Variants in ROCK2 observed in about 807,000 individuals in gnomAD.
ROCK2 encodes the protein Rho associated coiled-coil containing protein kinase 2.
A neutral mutation model predicts 195.1 loss-of-function variants in ROCK2; 61 were observed. That is an observed-to-expected ratio of 0.31 (90% CI 0.25 to 0.39). The LOEUF (loss-of-function observed/expected upper bound fraction) is 0.39, where lower values mean the gene tolerates loss of function less well. Ranked by LOEUF, ROCK2 falls within the 10% of genes least tolerant of loss-of-function variation. ROCK2 has a pLI of 1.00. For missense variants in ROCK2, 1,109 were observed against 1,637.4 expected (o/e 0.68, Z 5.57); for synonymous variants, 504 against 545.5 (o/e 0.92, Z 1.06).
chr2:11,194,832 G>A, intron 28 of ROCK2, 123 bp downstream of exon 28: 2 of 440,150 alleles, frequency 4.5e-6, no homozygotes, highest in East Asian at 3.5e-5. Context: ...AAATCCTGAA[G>A]TATAAACAAG....
At chr2:11,310,497 T>A (rs1211530149) in intron 1 of ROCK2, among the ~76,000 whole-genome samples, 2 of 152,160 alleles carry the variant, frequency 1.3e-5, no homozygotes, top group Non-Finnish European at 1.5e-5. Flanking sequence ...ACTCATTGAC[T>A]CGTAGATAAA....
At chr2:11,307,421 C>T (rs111433649) in intron 1 of ROCK2, among the ~76,000 whole-genome samples, 1,725 of 152,308 alleles carry the variant, frequency 0.011, 27 homozygotes, top group East Asian at 0.053. Flanking sequence ...TCAAGCAATT[C>T]TCCTGCCTCA....
intron 1 of ROCK2, among the ~76,000 whole-genome samples, chr2:11,304,052 T>C (rs1667783238): frequency 6.6e-6 from 1 of 152,206 alleles, no homozygotes; most frequent in Non-Finnish European, 1.5e-5. Flanking sequence ...TATACTTTAT[T>C]GGTTTTCTCC....
chr2:11,292,875 C>T (rs190213680), intron 1 of ROCK2, among the ~76,000 whole-genome samples: 18 of 152,168 alleles, frequency 1.2e-4, no homozygotes, highest in African/African-American at 4.1e-4. Flanking sequence ...AAGACTTTTC[C>T]CTGTTGTCAT....
intron 4 of ROCK2, among the ~76,000 whole-genome samples, chr2:11,246,407 A>T (rs902530903): frequency 2.0e-5 from 3 of 152,082 alleles, no homozygotes; most frequent in African/African-American, 7.2e-5. Context: ...TAATGCCAAA[A>T]CTAAACTAAG....
At position 11,300,010 on chromosome 2, in the gene ROCK2, G is replaced by A. The variant is rs564960112; in HGVS notation, c.142-12274C>T. ...GAATGATGAGCAAGTCTCGGAAAGCGAATCTAATTCACAGTTTTTGGGGTC... is the reference window on the plus strand; with the variant it reads ...GAATGATGAGCAAGTCTCGGAAAGCAAATCTAATTCACAGTTTTTGGGGTC... On this transcript the variant is annotated intron_variant, in intron 1 of 32. Transcript: ENST00000315872. 3.6e-4 allele frequency among the ~76,000 whole-genome samples: 55 copies of A among 152,230 alleles called. No homozygotes were observed. In the South Asian group the frequency reaches 0.01, roughly 28 times the overall value.
chr2:11,301,168 A>G, intron 1 of ROCK2, among the ~76,000 whole-genome samples: 1 of 152,196 alleles, frequency 6.6e-6, no homozygotes, highest in East Asian at 1.9e-4. Context: ...TATGTTTATA[A>G]AATTATACTT....
At chr2:11,222,477 C>CA (rs1664669771) in intron 7 of ROCK2, among the ~76,000 whole-genome samples, 1 of 152,084 alleles carries the variant, frequency 6.6e-6, no homozygotes, top group African/African-American at 2.4e-5. Context: ...CTGCATGTGC[C>CA]ACGACTGAAT....
At chr2:11,242,930 A>T (rs1210981251) in intron 4 of ROCK2, among the ~76,000 whole-genome samples, 1 of 152,152 alleles carries the variant, frequency 6.6e-6, no homozygotes, top group Non-Finnish European at 1.5e-5. Context: ...CTCTCTCTCT[A>T]GTGCTCTCCT....
At chr2:11,281,914 T>C (rs189243713) in intron 3 of ROCK2, among the ~76,000 whole-genome samples, 149 of 152,256 alleles carry the variant, frequency 9.8e-4, no homozygotes, top group African/African-American at 3.0e-3. Flanking sequence ...GTTGTCAAGA[T>C]ACCGGTTCTT....
chr2:11,265,369 C>T (rs1219434664), intron 3 of ROCK2, among the ~76,000 whole-genome samples: 2 of 152,090 alleles, frequency 1.3e-5, no homozygotes, highest in East Asian at 3.8e-4. Flanking sequence ...ATAACGTTGG[C>T]TTATTTTCTC....
chr2:11,303,385 TC>T (rs1288019644), intron 1 of ROCK2, among the ~76,000 whole-genome samples: 6 of 152,172 alleles, frequency 3.9e-5, no homozygotes, highest in Non-Finnish European at 8.8e-5. Context: ...ACCAAATCTA[TC>T]CACGTTCCTG....
intron 3 of ROCK2, among the ~76,000 whole-genome samples, chr2:11,271,623 T>A (rs1305608610): frequency 6.6e-6 from 1 of 152,030 alleles, no homozygotes; most frequent in Non-Finnish European, 1.5e-5. Flanking sequence ...AGCTCCTTAC[T>A]TGTGCAACCA....
chr2:11,285,969 C>T (rs1486748829), intron 3 of ROCK2, among the ~76,000 whole-genome samples: 1 of 151,636 alleles, frequency 6.6e-6, no homozygotes, highest in African/African-American at 2.4e-5. Context: ...GAGGGGTAAA[C>T]GCTGTAGTGT....
chr2:11,335,112 C>T (rs1356474792), intron 1 of ROCK2, among the ~76,000 whole-genome samples: 4 of 21,134 alleles, frequency 1.9e-4, no homozygotes, highest in African/African-American at 5.3e-4. Context: ...GACTGATACA[C>T]ACACACACAC....
Position 11,311,085 on chromosome 2 carries a change from T to C in ROCK2, c.142-23349A>G, listed in dbSNP as rs571311776. Among the ~76,000 whole-genome samples the C allele has an allele frequency of 2.6e-5, 4 of 151,900 alleles. No homozygotes were observed. In the South Asian group the frequency reaches 8.3e-4, roughly 32 times the overall value. ...GAAATCAGCATGAGAGTAATTATAA[T>C]ATATCAAGCCCCTGAAATTCTACTA... On this transcript the variant is annotated intron_variant, in intron 1 of 32. Transcript: ENST00000315872.
intron 3 of ROCK2, among the ~76,000 whole-genome samples, chr2:11,254,441 G>C (rs529731437): frequency 2.0e-5 from 3 of 152,268 alleles, no homozygotes; most frequent in African/African-American, 4.8e-5. Flanking sequence ...CAAGGAGAGG[G>C]AGATCCCTAG....
chr2:11,227,663 T>G (rs1199444998), intron 5 of ROCK2, among the ~76,000 whole-genome samples: 1 of 152,174 alleles, frequency 6.6e-6, no homozygotes, highest in African/African-American at 2.4e-5. Context: ...TTTGGTAAAA[T>G]GGAGATTCCA....
chr2:11,267,901 C>A (rs1166793855), intron 3 of ROCK2, among the ~76,000 whole-genome samples: 1 of 151,892 alleles, frequency 6.6e-6, no homozygotes, highest in East Asian at 1.9e-4. Flanking sequence ...CCCGCCTCAG[C>A]CTCCCAAAAT....
Sources: gnomAD v4.1 joint callset for allele counts (sites outside exome capture counted in the v4.1 genomes callset) on GRCh38, gnomAD v4.1.1 for gene constraint, MANE v1.5 for transcripts, NCBI Gene and HGNC (gene_info 2026-07-23, HGNC 2026-07-21) for gene names.